The following MGAT4C variants were observed in gnomAD, a reference collection of about 807,000 sequenced individuals.
MGAT4C encodes alpha-1,3-mannosyl-glycoprotein 4-beta-N-acetylglucosaminyltransferase C.
A neutral mutation model predicts 40.1 loss-of-function variants in MGAT4C; 19 were observed. The observed-to-expected ratio is 0.47, with a 90% confidence interval of 0.33 to 0.70. The LOEUF (loss-of-function observed/expected upper bound fraction) is 0.70, where lower values mean the gene tolerates loss of function less well. MGAT4C is among the 30% of genes least tolerant of loss of function. MGAT4C has a pLI of 0.02. For missense variants in MGAT4C, 491 were observed against 563.2 expected, an observed-to-expected ratio of 0.87 and a Z score of 1.30; for synonymous variants, 181 against 187.1, an observed-to-expected ratio of 0.97 and a Z score of 0.27.
intron 1 of MGAT4C, among the ~76,000 whole-genome samples, chr12:86,758,488 C>T (rs1437364032): frequency 6.6e-6 from 1 of 150,762 alleles, no homozygotes; most frequent in Non-Finnish European, 1.5e-5. Context: ...AAGTCGTTGC[C>T]TAACTTTTTG....
chr12:86,164,324 C>T (rs1035387429), intron 1 of MGAT4C, among the ~76,000 whole-genome samples: 1 of 152,036 alleles, frequency 6.6e-6, no homozygotes, highest in Non-Finnish European at 1.5e-5. Context: ...AGGTGATGTC[C>T]AATATCTTTA....
chr12:86,776,485 CAG>C (rs1309866383), intron 1 of MGAT4C, among the ~76,000 whole-genome samples: 1 of 151,604 alleles, frequency 6.6e-6, no homozygotes, highest in African/African-American at 2.4e-5. Flanking sequence ...TATAACTTAA[CAG>C]GGGAAATAAA....
chr12:86,663,607 T>C (rs567642711), intron 2 of MGAT4C, among the ~76,000 whole-genome samples: 2 of 152,150 alleles, frequency 1.3e-5, no homozygotes, highest in African/African-American at 2.4e-5. Flanking sequence ...ACTATGGCTT[T>C]TAGTAAACTA....
chr12:86,511,609 T>TGGATATACA (rs1280580914), intron 2 of MGAT4C, among the ~76,000 whole-genome samples: 3 of 151,996 alleles, frequency 2.0e-5, no homozygotes, highest in Non-Finnish European at 4.4e-5. Context: ...AAATATACAG[T>TGGATATACA]CAACTGATCT....
At chr12:86,100,158 T>A (rs2135594618) in intron 1 of MGAT4C, among the ~76,000 whole-genome samples, 1 of 151,604 alleles carries the variant, frequency 6.6e-6, no homozygotes, top group East Asian at 1.9e-4. Flanking sequence ...AAATTTTTTA[T>A]CCTAATGTAA....
rs1884170561 is a variant in MGAT4C at position 85,978,453 on chromosome 12, T to A, written c.*836A>T. 1.3e-5 allele frequency: 2 copies of A among 152,104 alleles called. No homozygotes were observed. Among genetic ancestry groups the A allele is most frequent in the Admixed American group, 6.6e-5 (1 of 15,190 alleles). 9.4% of individuals were successfully genotyped at this position (152,104 alleles called of 1,614,324 possible). ...TTTAATACAAAATGTATAAAATCAA[T>A]TTCCAAAAATTTTCTGCATATACTG... On this transcript the variant is annotated 3_prime_UTR_variant, in exon 5 of 5. Coordinates refer to ENST00000611864, the MANE Select transcript of MGAT4C (RefSeq NM_001351288.2).
intron 2 of MGAT4C, among the ~76,000 whole-genome samples, chr12:86,040,294 C>T (rs910672895): frequency 1.3e-5 from 2 of 152,182 alleles, no homozygotes; most frequent in African/African-American, 2.4e-5. Context: ...TCAGAGCTGC[C>T]AGGCAGGGAA....
intron 2 of MGAT4C, among the ~76,000 whole-genome samples, chr12:86,436,703 C>T (rs1178871361): frequency 1.3e-5 from 2 of 151,518 alleles, no homozygotes; most frequent in Admixed American, 6.6e-5. Flanking sequence ...AACAATGTAT[C>T]GAATATTTTT....
chr12:86,647,095 T>G (rs921171249), intron 2 of MGAT4C, among the ~76,000 whole-genome samples: 2 of 151,826 alleles, frequency 1.3e-5, no homozygotes, highest in Admixed American at 1.3e-4. Flanking sequence ...TCGGCCCAAC[T>G]GAGCTAAGCT....
chr12:86,341,823 C>T (rs1041623997), intron 3 of MGAT4C, among the ~76,000 whole-genome samples: 1 of 152,174 alleles, frequency 6.6e-6, no homozygotes, highest in Admixed American at 6.5e-5. Flanking sequence ...CAGCCACACC[C>T]ACCTGAGCTC....
intron 1 of MGAT4C, among the ~76,000 whole-genome samples, chr12:86,126,304 G>A (rs1238551169): frequency 6.6e-6 from 1 of 151,852 alleles, no homozygotes; most frequent in Non-Finnish European, 1.5e-5. Flanking sequence ...TTAGAGCACA[G>A]CAGATAATAT....
rs1268803346 is a variant in MGAT4C at position 85,967,200 on chromosome 12, C to T, written c.*12089G>A. The stretch of plus-strand genomic sequence containing the variant: ...AAAATTGTGAACAAATCTGGTAAAT[C>T]TTTTGGTGTTGCAGGTTCATAATCA... On this transcript the variant is annotated 3_prime_UTR_variant, in exon 5 of 5. Coordinates refer to ENST00000611864, the MANE Select transcript of MGAT4C (RefSeq NM_001351288.2). 6.6e-6 allele frequency: 1 copy of T among 151,976 alleles called. No homozygotes were observed. The highest frequency in any genetic ancestry group is 1.5e-5 in the Non-Finnish European group (1 of 67,994). 9.4% of individuals were successfully genotyped at this position (151,976 alleles called of 1,614,324 possible).
At chr12:86,099,651 G>T (rs2135593364) in intron 1 of MGAT4C, among the ~76,000 whole-genome samples, 1 of 151,358 alleles carries the variant, frequency 6.6e-6, no homozygotes, top group African/African-American at 2.4e-5. Context: ...CTTAAAGTAA[G>T]AAATCAGTTA....
chr12:86,787,302 G>T (rs921287868), intron 1 of MGAT4C, among the ~76,000 whole-genome samples: 1 of 145,232 alleles, frequency 6.9e-6, no homozygotes, highest in Non-Finnish European at 1.5e-5. Flanking sequence ...CATCCACATT[G>T]CCTCAAAAGA....
At chr12:86,197,360 T>C (rs527236907) in intron 1 of MGAT4C, among the ~76,000 whole-genome samples, 1 of 152,350 alleles carries the variant, frequency 6.6e-6, no homozygotes, top group Non-Finnish European at 1.5e-5. Flanking sequence ...TATACATATA[T>C]GTATACATTT....
In MGAT4C at chr12:85,971,125, T is replaced by TA. The variant is rs566479787; in HGVS notation, c.*8163dup. On this transcript the variant is annotated 3_prime_UTR_variant, in exon 5 of 5. Coordinates refer to ENST00000611864, the MANE Select transcript of MGAT4C (RefSeq NM_001351288.2). ...CATTTATAATAAATTTAATTATTCA[T>TA]AAAAAATTAACATTGATATATATAT... The TA allele has an allele frequency of 6.6e-6, 1 of 151,196 alleles. No homozygotes were observed. The highest frequency in any genetic ancestry group is 2.4e-5 in the African/African-American group (1 of 41,358). The allele number at this position is 151,196 out of a possible 1,614,324, so 9.4% of individuals were successfully genotyped here.
chr12:86,699,482 A>C (rs1031110458), intron 2 of MGAT4C, among the ~76,000 whole-genome samples: 3 of 152,138 alleles, frequency 2.0e-5, no homozygotes, highest in African/African-American at 7.2e-5. Flanking sequence ...GAAGTCACTT[A>C]ATATAGGACC....
At chr12:86,749,755 T>C (rs1951205889) in intron 1 of MGAT4C, among the ~76,000 whole-genome samples, 1 of 151,770 alleles carries the variant, frequency 6.6e-6, no homozygotes, top group African/African-American at 2.4e-5. Context: ...GCATAAATTT[T>C]AATGACTTCT....
intron 1 of MGAT4C, among the ~76,000 whole-genome samples, chr12:86,220,872 T>C (rs1950852480): frequency 6.6e-6 from 1 of 152,200 alleles, no homozygotes; most frequent in Admixed American, 6.5e-5. Context: ...GCTTCTTCCC[T>C]GGCTTAGCAT....
Sources: gnomAD v4.1 joint callset for allele counts (sites outside exome capture counted in the v4.1 genomes callset) on GRCh38, gnomAD v4.1.1 for gene constraint, MANE v1.5 for transcripts, NCBI Gene and HGNC (gene_info 2026-07-23, HGNC 2026-07-21) for gene names.